Variants in ERCC6L2 observed in about 807,000 individuals in gnomAD.
ERCC6L2 encodes ERCC excision repair 6 like 2, also known as DNA excision repair protein ERCC-6-like 2.
ERCC6L2 carries 77 observed loss-of-function variants against 132.0 expected under a neutral mutation model. That is an observed-to-expected ratio of 0.58 (90% CI 0.49 to 0.71). ERCC6L2 has a LOEUF of 0.71. Among genes scored for constraint, ERCC6L2 ranks in the 30% least tolerant of loss-of-function variants. ERCC6L2 has a pLI of 0.00. For synonymous variants in ERCC6L2, 583 were observed against 632.4 expected (o/e 0.92, Z 1.17); for missense variants, 1,542 against 1,837.6 (o/e 0.84, Z 2.94).
chr9:95,935,146 T>C (rs561174792), intron 11 of ERCC6L2, among the ~76,000 whole-genome samples: 2 of 152,298 alleles, frequency 1.3e-5, no homozygotes, highest in South Asian at 4.1e-4. Context: ...TACTGGAGTT[T>C]ATGTGTGAAG....
chr9:95,973,907 T>C (rs1033002327), intron 16 of ERCC6L2, among the ~76,000 whole-genome samples: 1 of 152,172 alleles, frequency 6.6e-6, no homozygotes, highest in Non-Finnish European at 1.5e-5. Context: ...TTACAGAGTT[T>C]CCCTCAGTTT....
At chr9:96,003,833 A>G (rs1452943205) in intron 17 of ERCC6L2, among the ~76,000 whole-genome samples, 1 of 152,146 alleles carries the variant, frequency 6.6e-6, no homozygotes, top group Non-Finnish European at 1.5e-5. Context: ...CTCTTTTTGG[A>G]ATAGGATGAG....
intron 13 of ERCC6L2, among the ~76,000 whole-genome samples, chr9:95,960,185 T>C (rs113761602): frequency 5.3e-5 from 8 of 152,214 alleles, no homozygotes; most frequent in African/African-American, 1.9e-4. Flanking sequence ...CCCAGAAGAC[T>C]AATTACTTGC....
intron 18 of ERCC6L2, among the ~76,000 whole-genome samples, chr9:96,010,592 C>A (rs1171221002): frequency 2.0e-5 from 3 of 152,112 alleles, no homozygotes; most frequent in South Asian, 2.1e-4. Flanking sequence ...ACCCTCTCCC[C>A]CTGGGAGACT....
At chr9:95,876,170 G>T in intron 1 of ERCC6L2, 86 bp downstream of exon 1, 9 of 1,323,908 alleles carry the variant, frequency 6.8e-6, no homozygotes, top group Non-Finnish European at 9.5e-6. Flanking sequence ...TTCGGGTTGG[G>T]GTTTTGCCCT....
At chr9:95,976,284 C>T (rs1832668350) in intron 16 of ERCC6L2, among the ~76,000 whole-genome samples, 1 of 152,104 alleles carries the variant, frequency 6.6e-6, no homozygotes. Flanking sequence ...TTTTGATTCT[C>T]TCCCAGCAGT....
At chr9:95,940,605 A>G (rs535510675) in intron 11 of ERCC6L2, among the ~76,000 whole-genome samples, 2 of 152,230 alleles carry the variant, frequency 1.3e-5, no homozygotes, top group East Asian at 3.9e-4. Flanking sequence ...ACTCAGTATA[A>G]TACCATTATA....
chr9:95,977,258 A>G (rs1353372011), intron 16 of ERCC6L2, among the ~76,000 whole-genome samples: 3 of 152,182 alleles, frequency 2.0e-5, no homozygotes, highest in South Asian at 2.1e-4. Context: ...ATGTTATGCT[A>G]GTTACTGTCT....
In ERCC6L2 at chr9:96,017,427, C is replaced by G. The variant is rs1834205224; in HGVS notation, c.*4224C>G. On this transcript the variant is annotated 3_prime_UTR_variant, in exon 19 of 19. Transcript: ENST00000653738. The stretch of plus-strand genomic sequence containing the variant: ...AGATTCGCCCTTCCTTCCCAAGTCC[C>G]AGGCTGTGTGGTTCCCAGCCCCAAG... 6.6e-6 allele frequency among the ~76,000 whole-genome samples: 1 copy of G among 152,142 alleles called. No individual in the cohort carries two copies. The highest frequency in any genetic ancestry group is 1.5e-5 in the Non-Finnish European group (1 of 67,968).
chr9:95,965,645 A>G (rs1035968080), intron 13 of ERCC6L2, among the ~76,000 whole-genome samples: 1 of 152,080 alleles, frequency 6.6e-6, no homozygotes, highest in Admixed American at 6.6e-5. Flanking sequence ...AGCTGGGATT[A>G]CAGGCACCCA....
chr9:95,897,756 A>T, intron 2 of ERCC6L2, 93 bp from the exon 3 acceptor site: 1 of 1,260,576 alleles, frequency 7.9e-7, no homozygotes, highest in African/African-American at 1.5e-5. Context: ...CTTTGTACAT[A>T]CTTTGTCACT....
intron 9 of ERCC6L2, among the ~76,000 whole-genome samples, chr9:95,925,149 T>A (rs896575655): frequency 6.6e-6 from 1 of 152,204 alleles, no homozygotes; most frequent in African/African-American, 2.4e-5. Flanking sequence ...GAATGCCTGC[T>A]ATAATCTTTA....
intron 1 of ERCC6L2, among the ~76,000 whole-genome samples, chr9:95,879,690 C>T (rs541883794): frequency 6.6e-6 from 1 of 152,102 alleles, no homozygotes; most frequent in Non-Finnish European, 1.5e-5. Context: ...ATAACCTCAT[C>T]AAAGTTAGTG....
chr9:95,968,095 TGCACTCCA>T (rs1832245094), intron 14 of ERCC6L2: 1 of 152,152 alleles, frequency 6.6e-6, no homozygotes, highest in Non-Finnish European at 1.5e-5. Context: ...ATCGTGCCAC[TGCACTCCA>T]GCCTGGGGAA....
intron 16 of ERCC6L2, among the ~76,000 whole-genome samples, chr9:95,973,728 A>G (rs1832537605): frequency 6.6e-6 from 1 of 152,198 alleles, no homozygotes; most frequent in African/African-American, 2.4e-5. Flanking sequence ...TGTGGGAGCT[A>G]CAATTCAGGA....
chr9:96,032,346 C>A (rs1023136376), intron 19 of ERCC6L2, among the ~76,000 whole-genome samples: 2 of 152,246 alleles, frequency 1.3e-5, no homozygotes, highest in Non-Finnish European at 2.9e-5. Flanking sequence ...ATGGAAACCA[C>A]CCTCAGCGCC....
At chr9:95,985,848 A>G (rs72758459) in intron 17 of ERCC6L2, among the ~76,000 whole-genome samples, 7 of 152,344 alleles carry the variant, frequency 4.6e-5, no homozygotes, top group Non-Finnish European at 1.0e-4. Flanking sequence ...TACCAACAAC[A>G]TAGTAAAAAG....
intron 19 of ERCC6L2, among the ~76,000 whole-genome samples, chr9:96,036,827 C>T (rs977201508): frequency 1.1e-4 from 16 of 145,756 alleles, no homozygotes; most frequent in Non-Finnish European, 2.0e-4. Flanking sequence ...AGTGCAGTGG[C>T]GGGATCTCGG....
At chr9:95,942,535 A>G (rs1467133910) in intron 12 of ERCC6L2, among the ~76,000 whole-genome samples, 4 of 152,146 alleles carry the variant, frequency 2.6e-5, no homozygotes, top group Non-Finnish European at 4.4e-5. Flanking sequence ...GGATATGGAA[A>G]AAAATGAAGG....
Sources: allele counts gnomAD v4.1 joint callset (sites outside exome capture counted in the v4.1 genomes callset), GRCh38; gene constraint gnomAD v4.1.1; transcripts MANE v1.5; gene names NCBI Gene and HGNC (gene_info 2026-07-23, HGNC 2026-07-21).